Variants in THSD4 observed in about 807,000 individuals in gnomAD.
THSD4 encodes thrombospondin type 1 domain containing 4, also known as thrombospondin type-1 domain-containing protein 4.
In THSD4, 69 loss-of-function variants were observed where a neutral mutation model predicts 119.0. The ratio of observed to expected loss-of-function variants is 0.58; its 90% CI spans 0.48 to 0.71. The LOEUF (loss-of-function observed/expected upper bound fraction) is 0.71. THSD4 is among the 30% of genes least tolerant of loss of function. THSD4 has a pLI of 0.00. For synonymous variants in THSD4, 524 were observed against 540.4 expected (o/e 0.97, Z 0.42); for missense variants, 1,393 against 1,391.1 (o/e 1.00, Z -0.02).
intron 6 of THSD4, among the ~76,000 whole-genome samples, chr15:71,338,251 T>C (rs538461788): frequency 6.6e-6 from 1 of 152,142 alleles, no homozygotes; most frequent in African/African-American, 2.4e-5. Flanking sequence ...ATTCTCCAGG[T>C]GATGGCTTAG....
intron 7 of THSD4, among the ~76,000 whole-genome samples, chr15:71,536,797 T>C (rs1410307422): frequency 6.6e-6 from 1 of 152,160 alleles, no homozygotes. Context: ...TTGAGTTAAT[T>C]TGTGTGTGTA....
intron 8 of THSD4, among the ~76,000 whole-genome samples, chr15:71,691,726 T>C (rs754701380): frequency 1.3e-5 from 2 of 152,228 alleles, no homozygotes; most frequent in African/African-American, 2.4e-5. Flanking sequence ...GAAGTGTTTC[T>C]CTTTTTTTAG....
intron 7 of THSD4, among the ~76,000 whole-genome samples, chr15:71,615,275 C>T (rs1233074776): frequency 5.3e-5 from 8 of 152,070 alleles, no homozygotes; most frequent in Admixed American, 5.2e-4. Flanking sequence ...TAAACAGGGT[C>T]CCCTGGTCAG....
intron 7 of THSD4, among the ~76,000 whole-genome samples, chr15:71,440,020 TA>T (rs200776619): frequency 3.3e-5 from 5 of 151,858 alleles, no homozygotes; most frequent in African/African-American, 1.2e-4. Flanking sequence ...ATAATAATAA[TA>T]AAAAAAGAAT....
intron 6 of THSD4, among the ~76,000 whole-genome samples, chr15:71,294,831 C>T (rs571072481): frequency 2.0e-5 from 3 of 151,798 alleles, no homozygotes; most frequent in South Asian, 2.1e-4. Flanking sequence ...AATAACACCA[C>T]GCCCAATCCA....
chr15:71,526,103 C>G (rs893243433), intron 7 of THSD4, among the ~76,000 whole-genome samples: 2 of 152,172 alleles, frequency 1.3e-5, no homozygotes, highest in African/African-American at 2.4e-5. Context: ...TGAATTTTCC[C>G]CCTGTAGGCT....
chr15:71,595,646 A>ATG (rs2049894816), intron 7 of THSD4, among the ~76,000 whole-genome samples: 1 of 152,186 alleles, frequency 6.6e-6, no homozygotes, highest in Non-Finnish European at 1.5e-5. Flanking sequence ...AAAATTGCAC[A>ATG]TGTGTGTATG....
chr15:71,414,465 C>G (rs2046731955), intron 7 of THSD4, among the ~76,000 whole-genome samples: 1 of 152,194 alleles, frequency 6.6e-6, no homozygotes, highest in Admixed American at 6.5e-5. Flanking sequence ...GCTTTTCTAA[C>G]AAACTTCCAT....
intron 9 of THSD4, chr15:71,729,061 T>C (rs576405075): frequency 3.5e-6 from 1 of 283,960 alleles, no homozygotes; most frequent in South Asian, 4.8e-5. Flanking sequence ...TTCCTTATAC[T>C]GCTAATTTGG....
At chr15:71,388,677 T>A (rs1002784605) in intron 6 of THSD4, among the ~76,000 whole-genome samples, 2 of 150,696 alleles carry the variant, frequency 1.3e-5, no homozygotes, top group African/African-American at 2.4e-5. Context: ...TGTGTGTGTG[T>A]GTGTGTGTGT....
intron 7 of THSD4, among the ~76,000 whole-genome samples, chr15:71,612,721 G>T (rs77121184): frequency 0.037 from 5,573 of 152,200 alleles, 380 homozygotes; most frequent in African/African-American, 0.13. Flanking sequence ...TCAGAAAGAG[G>T]CCCCAGCTGT....
At chr15:71,541,003 G>A (rs1368143213) in intron 7 of THSD4, among the ~76,000 whole-genome samples, 1 of 152,116 alleles carries the variant, frequency 6.6e-6, no homozygotes. Flanking sequence ...GATTACCAGC[G>A]TGAGCCACTG....
At chr15:71,402,032 CAT>C (rs2046541309) in intron 6 of THSD4, among the ~76,000 whole-genome samples, 1 of 145,214 alleles carries the variant, frequency 6.9e-6, no homozygotes, top group Admixed American at 7.2e-5. Flanking sequence ...TGTTCTCACT[CAT>C]AGGTGGGAAT....
At chr15:71,402,303 C>A (rs1341769527) in intron 6 of THSD4, among the ~76,000 whole-genome samples, 1 of 152,074 alleles carries the variant, frequency 6.6e-6, no homozygotes, top group Non-Finnish European at 1.5e-5. Context: ...GATACACACT[C>A]CCCATCCTGC....
At chr15:71,202,833 G>T (rs557752171) in intron 3 of THSD4, among the ~76,000 whole-genome samples, 2 of 152,284 alleles carry the variant, frequency 1.3e-5, no homozygotes, top group African/African-American at 4.8e-5. Flanking sequence ...GCCGATCTGA[G>T]TTTGAATTCT....
chr15:71,728,054 G>A (rs2052897845), intron 8 of THSD4, among the ~76,000 whole-genome samples: 2 of 151,986 alleles, frequency 1.3e-5, no homozygotes, highest in African/African-American at 4.8e-5. Context: ...AGAGAAGCCA[G>A]AACTCTTAAA....
chr15:71,493,158 G>A (rs907788620), intron 7 of THSD4, among the ~76,000 whole-genome samples: 2 of 152,198 alleles, frequency 1.3e-5, no homozygotes, highest in African/African-American at 4.8e-5. Context: ...ATAAAAGCAT[G>A]AATGCTAAGC....
intron 8 of THSD4, 77 bp downstream of exon 8, chr15:71,660,811 A>G (rs997500277): frequency 5.8e-6 from 9 of 1,540,446 alleles, no homozygotes; most frequent in Non-Finnish European, 7.1e-6. Context: ...TGAGATAGAC[A>G]CAGCAGTGTC....
At chr15:71,750,431 C>T (rs1373583879) in intron 14 of THSD4, among the ~76,000 whole-genome samples, 5 of 152,212 alleles carry the variant, frequency 3.3e-5, no homozygotes, top group African/African-American at 1.2e-4. Context: ...TTCATTTTGT[C>T]CCTCTATCAC....
Sources: gnomAD v4.1 joint callset for allele counts (sites outside exome capture counted in the v4.1 genomes callset) on GRCh38, gnomAD v4.1.1 for gene constraint, MANE v1.5 for transcripts, NCBI Gene and HGNC (gene_info 2026-07-23, HGNC 2026-07-21) for gene names.